Variants in KANSL1L observed in about 807,000 individuals in gnomAD.
The protein encoded by KANSL1L is KAT8 regulatory NSL complex subunit 1 like.
A neutral mutation model predicts 108.6 loss-of-function variants in KANSL1L; 25 were observed. The observed-to-expected ratio is 0.23, with a 90% CI of 0.17 to 0.32. KANSL1L has a LOEUF of 0.32. Among genes scored for constraint, KANSL1L ranks in the 10% least tolerant of loss-of-function variants. KANSL1L has a pLI of 1.00. For missense variants in KANSL1L, 1,137 were observed against 1,125.7 expected, an observed-to-expected ratio of 1.01 and a Z score of -0.14; for synonymous variants, 405 against 395.1, an observed-to-expected ratio of 1.03 and a Z score of -0.30.
At chr2:210,079,644 A>ATATATATATGTATG (rs1559539636) in intron 5 of KANSL1L, among the ~76,000 whole-genome samples, 2 of 8,978 alleles carry the variant, frequency 2.2e-4, no homozygotes, top group Non-Finnish European at 6.7e-4. Flanking sequence ...ATATATATAT[A>ATATATATATGTATG]TATATATATA....
At chr2:210,025,304 C>T in intron 12 of KANSL1L, 88 bp from the exon 13 acceptor site, 1 of 766,170 alleles carries the variant, frequency 1.3e-6, no homozygotes, top group South Asian at 1.4e-5. Flanking sequence ...CGCCTGTAAT[C>T]CCAACACTTT....
chr2:210,098,574 T>C (rs1376224732), intron 4 of KANSL1L, among the ~76,000 whole-genome samples: 4 of 152,170 alleles, frequency 2.6e-5, no homozygotes. Flanking sequence ...CCAGGCATTA[T>C]ATTAGGCACC....
rs1487459614 is a variant in KANSL1L, at chr2:210,153,641, T to G, written c.942A>C (p.Ala314=). ...TTTGGATTTCCGCAGCTGTACACCGTGCAAAGCCATTTTTTGCATCATCCC... is the reference window on the plus strand; with the variant it reads ...TTTGGATTTCCGCAGCTGTACACCGGGCAAAGCCATTTTTTGCATCATCCC... The part of the protein sequence containing the change: ...KLWDDAKNGF[A]RCTAAEIQRF... Residue 314 remains alanine (A), a synonymous_variant, in exon 2 of 15, where the codon GCA becomes GCC. Coordinates refer to ENST00000281772, the MANE Select transcript of KANSL1L (RefSeq NM_152519.4). 6.2e-7 allele frequency: 1 copy of G among 1,611,400 alleles called. No homozygotes were observed. The highest frequency in any genetic ancestry group is 8.5e-7 in the Non-Finnish European group (1 of 1,179,104).
At chr2:210,046,374 T>C (rs116288677) in intron 6 of KANSL1L, among the ~76,000 whole-genome samples, 1 of 152,096 alleles carries the variant, frequency 6.6e-6, no homozygotes, top group Non-Finnish European at 1.5e-5. Flanking sequence ...CATCTAAATA[T>C]CATCTAAATC....
chr2:210,039,973 G>T (rs1221344600), intron 8 of KANSL1L, among the ~76,000 whole-genome samples: 3 of 151,632 alleles, frequency 2.0e-5, no homozygotes, highest in Non-Finnish European at 3.0e-5. Context: ...TTCCATATGT[G>T]CTTGGGCTAG....
chr2:210,024,263 A>C, intron 13 of KANSL1L, 62 bp from the exon 14 acceptor site: 1 of 1,364,624 alleles, frequency 7.3e-7, no homozygotes, highest in Non-Finnish European at 9.9e-7. Context: ...AAAATTTATG[A>C]ACAACCCAAG....
intron 1 of KANSL1L, among the ~76,000 whole-genome samples, chr2:210,156,677 C>A (rs2095335083): frequency 6.6e-6 from 1 of 151,940 alleles, no homozygotes; most frequent in African/African-American, 2.4e-5. Flanking sequence ...AAATACCTAC[C>A]AAACTTGTAC....
intron 2 of KANSL1L, among the ~76,000 whole-genome samples, chr2:210,141,125 C>T (rs550327716): frequency 1.1e-3 from 164 of 151,768 alleles, no homozygotes; most frequent in Non-Finnish European, 7.9e-4. Flanking sequence ...TCCCCTCACT[C>T]CCTCCTTCCT....
chr2:210,166,448 G>T (rs187528483), intron 1 of KANSL1L, among the ~76,000 whole-genome samples: 7 of 152,042 alleles, frequency 4.6e-5, no homozygotes, highest in African/African-American at 1.4e-4. Flanking sequence ...TAATCTCAAC[G>T]CTCAGAGTTG....
At chr2:210,126,772 C>T (rs752645899) in intron 3 of KANSL1L, among the ~76,000 whole-genome samples, 5 of 152,124 alleles carry the variant, frequency 3.3e-5, no homozygotes, top group East Asian at 1.9e-4. Flanking sequence ...GAGCTGATAT[C>T]GTGCCATTGC....
At chr2:210,084,270 A>G (rs2094616318) in intron 5 of KANSL1L, among the ~76,000 whole-genome samples, 1 of 152,026 alleles carries the variant, frequency 6.6e-6, no homozygotes, top group Non-Finnish European at 1.5e-5. Flanking sequence ...AAAAATACAA[A>G]AATTTGCCAG....
chr2:210,027,168 TAAGTG>T (rs1191521138), intron 12 of KANSL1L, 123 bp downstream of exon 12: 29 of 598,308 alleles, frequency 4.8e-5, no homozygotes, highest in Non-Finnish European at 6.9e-5. Context: ...TTCCTTTTCA[TAAGTG>T]AAAAGAAAAA....
intron 1 of KANSL1L, 63 bp from the exon 2 acceptor site, chr2:210,154,674 T>C (rs1014030986): frequency 5.0e-6 from 5 of 997,674 alleles, no homozygotes; most frequent in Non-Finnish European, 6.8e-6. Flanking sequence ...TATACTTTTT[T>C]CTAAGGGCAA....
intron 5 of KANSL1L, 143 bp from the exon 6 acceptor site, chr2:210,075,899 A>G (rs2094538770): frequency 1.6e-6 from 1 of 621,230 alleles, no homozygotes; most frequent in Admixed American, 3.3e-5. Flanking sequence ...TGTGGTAACA[A>G]TTGGTAAAAT....
chr2:210,051,926 C>T (rs2094296351), intron 6 of KANSL1L, among the ~76,000 whole-genome samples: 2 of 150,898 alleles, frequency 1.3e-5, no homozygotes. Context: ...ATTTATTTGA[C>T]TCTATTTTCT....
intron 6 of KANSL1L, among the ~76,000 whole-genome samples, chr2:210,058,459 T>C (rs2094381337): frequency 6.6e-6 from 1 of 152,160 alleles, no homozygotes; most frequent in Admixed American, 6.5e-5. Flanking sequence ...TGATATCTTA[T>C]TAGCTTGTGA....
At chr2:210,061,801 A>G (rs1262510002) in intron 6 of KANSL1L, among the ~76,000 whole-genome samples, 1 of 152,228 alleles carries the variant, frequency 6.6e-6, no homozygotes. Flanking sequence ...AGTTTTAACA[A>G]TTGTTTATAT....
At chr2:210,030,435 A>AT (rs1231771419) in intron 9 of KANSL1L, among the ~76,000 whole-genome samples, 1 of 147,352 alleles carries the variant, frequency 6.8e-6, no homozygotes, top group Non-Finnish European at 1.5e-5. Flanking sequence ...GAAATTTCTC[A>AT]TATCTCTCAG....
intron 3 of KANSL1L, among the ~76,000 whole-genome samples, chr2:210,126,553 A>G (rs2095067253): frequency 6.6e-6 from 1 of 151,974 alleles, no homozygotes; most frequent in Non-Finnish European, 1.5e-5. Flanking sequence ...GGTGGCCCAC[A>G]CCTGTAATCC....
Sources: gnomAD v4.1 joint callset for allele counts (sites outside exome capture counted in the v4.1 genomes callset) on GRCh38, gnomAD v4.1.1 for gene constraint, MANE v1.5 for transcripts, NCBI Gene and HGNC (gene_info 2026-07-23, HGNC 2026-07-21) for gene names.